The following INPP4B variants were observed in gnomAD, a reference collection of about 807,000 sequenced individuals.
The protein encoded by INPP4B is inositol polyphosphate 4-phosphatase type II.
A neutral mutation model predicts 122.5 loss-of-function variants in INPP4B; 55 were observed. That is an observed-to-expected ratio of 0.45 (90% CI 0.36 to 0.56). INPP4B has a LOEUF of 0.56. Ranked by LOEUF, INPP4B falls within the 20% of genes least tolerant of loss-of-function variation. The probability of loss-of-function intolerance (pLI) is 0.00; values close to 1 mark genes in which losing one functional copy is unlikely to be tolerated. For synonymous variants in INPP4B, 403 were observed against 388.7 expected, an observed-to-expected ratio of 1.04 and a Z score of -0.43; for missense variants, 1,000 against 1,097.7, an observed-to-expected ratio of 0.91 and a Z score of 1.26.
chr4:142,293,175 A>G (rs1280183011), intron 9 of INPP4B, among the ~76,000 whole-genome samples: 2 of 151,540 alleles, frequency 1.3e-5, no homozygotes, highest in Non-Finnish European at 2.9e-5. Flanking sequence ...AGTAGCTGGG[A>G]TTACAGGTGC....
At chr4:142,069,766 A>C (rs1396304380) in intron 25 of INPP4B, among the ~76,000 whole-genome samples, 2 of 152,062 alleles carry the variant, frequency 1.3e-5, no homozygotes, top group East Asian at 1.9e-4. Context: ...CACATTCACC[A>C]TCCCAAGACT....
chr4:142,384,758 T>C (rs1358774146), intron 7 of INPP4B, among the ~76,000 whole-genome samples: 1 of 152,154 alleles, frequency 6.6e-6, no homozygotes, highest in East Asian at 1.9e-4. Context: ...TGGGGGTTTG[T>C]TGTGCAGATT....
At chr4:142,506,119 T>C (rs1823995974) in intron 2 of INPP4B, among the ~76,000 whole-genome samples, 1 of 152,194 alleles carries the variant, frequency 6.6e-6, no homozygotes, top group South Asian at 2.1e-4. Context: ...CTAGACTTTG[T>C]CTAATAAAGC....
intron 16 of INPP4B, among the ~76,000 whole-genome samples, chr4:142,171,536 ACT>A (rs908020043): frequency 2.0e-5 from 3 of 151,740 alleles, no homozygotes; most frequent in East Asian, 1.9e-4. Context: ...TACCACTAAA[ACT>A]CTCTCTCTTT....
At chr4:142,082,224 G>T (rs375734598) in intron 24 of INPP4B, 39 bp from the exon 25 acceptor site, 1 of 1,464,464 alleles carries the variant, frequency 6.8e-7, no homozygotes, top group Admixed American at 1.7e-5. Flanking sequence ...TTGTTCATTT[G>T]TAATACCGTA....
intron 2 of INPP4B, among the ~76,000 whole-genome samples, chr4:142,473,978 G>A (rs1819375118): frequency 6.7e-6 from 1 of 150,168 alleles, no homozygotes; most frequent in East Asian, 1.9e-4. Flanking sequence ...TCCTGCTTCT[G>A]TGTGTACTCA....
chr4:142,353,570 C>G (rs1322342101), intron 7 of INPP4B, among the ~76,000 whole-genome samples: 1 of 152,040 alleles, frequency 6.6e-6, no homozygotes, highest in East Asian at 1.9e-4. Flanking sequence ...CTTTTTCTTT[C>G]TCTCTCTGTA....
At chr4:142,395,128 T>C (rs1440413608) in intron 7 of INPP4B, among the ~76,000 whole-genome samples, 2 of 152,176 alleles carry the variant, frequency 1.3e-5, no homozygotes, top group African/African-American at 2.4e-5. Context: ...AGAGAACAAC[T>C]ACTGTGTGAG....
At chr4:142,578,156 C>A (rs1289679179) in intron 2 of INPP4B, among the ~76,000 whole-genome samples, 1 of 151,906 alleles carries the variant, frequency 6.6e-6, no homozygotes. Flanking sequence ...GTGAATGACA[C>A]AAAAATTGAA....
chr4:142,758,244 G>A (rs1024831937), intron 1 of INPP4B, among the ~76,000 whole-genome samples: 1 of 152,112 alleles, frequency 6.6e-6, no homozygotes, highest in Admixed American at 6.6e-5. Context: ...AAGGACATAG[G>A]GGGAACTCAT....
intron 2 of INPP4B, among the ~76,000 whole-genome samples, chr4:142,570,411 TA>T (rs1278890263): frequency 6.6e-6 from 1 of 152,000 alleles, no homozygotes; most frequent in African/African-American, 2.4e-5. Flanking sequence ...TGGGAAGTAA[TA>T]GGGGTAACAT....
chr4:142,716,814 G>A (rs1382089872), intron 2 of INPP4B, among the ~76,000 whole-genome samples: 6 of 152,164 alleles, frequency 3.9e-5, no homozygotes, highest in African/African-American at 1.4e-4. Flanking sequence ...CAATTGTAAT[G>A]GTCAGTAGCA....
chr4:142,252,468 G>A (rs886698998), intron 11 of INPP4B, among the ~76,000 whole-genome samples: 12 of 152,054 alleles, frequency 7.9e-5, no homozygotes, highest in Admixed American at 2.0e-4. Flanking sequence ...GATTACAGGC[G>A]TGAGCCACCG....
At chr4:142,618,813 T>C (rs1451652200) in intron 2 of INPP4B, among the ~76,000 whole-genome samples, 1 of 151,972 alleles carries the variant, frequency 6.6e-6, no homozygotes. Flanking sequence ...GAGAAAATTT[T>C]TTGCAAATAC....
At chr4:142,819,101 G>T (rs550171482) in intron 1 of INPP4B, among the ~76,000 whole-genome samples, 7 of 152,166 alleles carry the variant, frequency 4.6e-5, no homozygotes, top group Non-Finnish European at 1.0e-4. Context: ...AGGAAGAGAA[G>T]CCCGAACACT....
At chr4:142,335,108 GAA>G (rs36074851) in intron 7 of INPP4B, among the ~76,000 whole-genome samples, 1,079 of 65,116 alleles carry the variant, frequency 0.017, 5 homozygotes, top group African/African-American at 0.048. Flanking sequence ...TGGGAAAAAT[GAA>G]AAAAAAAAAA....
At chr4:142,537,429 T>TAGAGAGAG (rs1157643466) in intron 2 of INPP4B, among the ~76,000 whole-genome samples, 69 of 25,442 alleles carry the variant, frequency 2.7e-3, no homozygotes, top group Non-Finnish European at 4.4e-3. Context: ...TATATATATA[T>TAGAGAGAG]AGAGAGAGAG....
intron 14 of INPP4B, among the ~76,000 whole-genome samples, chr4:142,207,160 C>G (rs576904865): frequency 6.6e-6 from 1 of 152,038 alleles, no homozygotes. Flanking sequence ...AATAATAATC[C>G]AATCTTTGTA....
chr4:142,283,809 C>G (rs112995615), intron 9 of INPP4B, among the ~76,000 whole-genome samples: 1 of 151,966 alleles, frequency 6.6e-6, no homozygotes, highest in Non-Finnish European at 1.5e-5. Context: ...AGCTTTAAGA[C>G]TAGATGGAAG....
Sources: allele counts gnomAD v4.1 joint callset (sites outside exome capture counted in the v4.1 genomes callset), GRCh38; gene constraint gnomAD v4.1.1; transcripts MANE v1.5; gene names NCBI Gene and HGNC (gene_info 2026-07-23, HGNC 2026-07-21).